The following DNM1 variants were observed in gnomAD, a reference collection of about 807,000 sequenced individuals.
The protein encoded by DNM1 is dynamin-1.
A neutral mutation model predicts 104.6 loss-of-function variants in DNM1; 29 were observed. The ratio of observed to expected loss-of-function variants is 0.28; its 90% CI spans 0.21 to 0.38. DNM1 has a LOEUF of 0.38. Ranked by LOEUF, DNM1 falls within the 10% of genes least tolerant of loss-of-function variation. The pLI is 1.00. For synonymous variants in DNM1, 445 were observed against 475.8 expected (o/e 0.94, Z 0.84); for missense variants, 640 against 1,189.4 (o/e 0.54, Z 6.79).
chr9:128,221,273 A>G (rs897041444), intron 6 of DNM1: 1 of 152,086 alleles, frequency 6.6e-6, no homozygotes, highest in Non-Finnish European at 1.5e-5. Flanking sequence ...TATTTTTAGT[A>G]GAGACGGGGT....
chr9:128,226,657 G>C (rs1471584611), intron 10 of DNM1, among the ~76,000 whole-genome samples: 1 of 152,192 alleles, frequency 6.6e-6, no homozygotes, highest in Non-Finnish European at 1.5e-5. Flanking sequence ...AGCTGTCCTA[G>C]TTCCTCAAAA....
chr9:128,253,510 C>G lies in DNM1; in HGVS notation c.2535-1144C>G. 1 of 293,574 alleles carries G rather than the reference C, an allele frequency of 3.4e-6. No homozygotes were observed. Among genetic ancestry groups the G allele is most frequent in the Non-Finnish European group, 6.4e-6 (1 of 155,566 alleles). 18.2% of individuals were successfully genotyped at this position (293,574 alleles called of 1,614,324 possible). The stretch of plus-strand genomic sequence containing the variant: ...TCGTGTGTGGGGCTGGACTCTGAGG[C>G]GGCCAGAGGCCTAGGAACGTTATCC... On this transcript the variant is annotated intron_variant, in intron 21 of 21. Transcript: ENST00000372923. This position sits in a 1 kb window ranked among gnomAD's most constrained non-coding sequence, Gnocchi z 5.9.
Position 128,247,623 on chromosome 9 carries a change from C to CCCAG in DNM1, c.1893+137_1893+138insCCAG. 1.3e-6 allele frequency: 1 copy of CCCAG among 768,988 alleles called. No individual in the cohort carries two copies. The highest frequency in any genetic ancestry group is 2.1e-6 in the Non-Finnish European group (1 of 469,096). 47.6% of individuals were successfully genotyped at this position (768,988 alleles called of 1,614,324 possible). A position where few individuals can be genotyped will look rare whatever the true frequency, so the allele number is the denominator to read the frequency against. On this transcript the variant is annotated intron_variant, in intron 17 of 21. Transcript: ENST00000372923. The surrounding 1 kb of genome is among the most constrained non-coding windows in gnomAD (Gnocchi z 5.1). ...AATAATAGGAATCCTCCCCCCTACCCACTCTGGGGGTGGGAACAGAGATAA... is the reference window on the plus strand; with the variant it reads ...AATAATAGGAATCCTCCCCCCTACCCCCAGACTCTGGGGGTGGGAACAGAGATAA...
chr9:128,249,772 G>A (rs1244352151), intron 19 of DNM1, among the ~76,000 whole-genome samples: 1 of 151,932 alleles, frequency 6.6e-6, no homozygotes, highest in African/African-American at 2.4e-5. Flanking sequence ...GCTACAGTGA[G>A]TGGTAATCTC....
chr9:128,252,970 G>C, intron 21 of DNM1: 1 of 827,602 alleles, frequency 1.2e-6, no homozygotes, highest in Non-Finnish European at 2.1e-6. Context: ...GTGTTAGCGT[G>C]TGCATGTGGG....
intron 1 of DNM1, among the ~76,000 whole-genome samples, chr9:128,214,597 TC>T (rs1834494998): frequency 6.6e-6 from 1 of 152,104 alleles, no homozygotes; most frequent in Non-Finnish European, 1.5e-5. Flanking sequence ...GGGTTCAGTT[TC>T]TCCAGACCCC....
At position 128,203,642 on chromosome 9, in the gene DNM1, C is replaced by G. The variant is rs1483670500; in HGVS notation, c.161+11C>G. 6 of 1,515,718 alleles carry G rather than the reference C, an allele frequency of 4.0e-6. No homozygotes were observed. The Admixed American group carries it at 1.3e-4, about 32-fold the overall frequency. The allele number at this position is 1,515,718 out of a possible 1,614,324, so 93.9% of individuals were successfully genotyped here. On this transcript the variant is annotated intron_variant, in intron 1 of 21. Coordinates refer to ENST00000372923, the MANE Select transcript of DNM1 (RefSeq NM_004408.4). This position sits in a 1 kb window ranked among gnomAD's most constrained non-coding sequence, Gnocchi z 5.3. ...GAATTTCGTAGGCAGGTAGGCGCGG[C>G]GCGCCCCCAGGCGCCGACCCCCGAC...
At chr9:128,232,691 A>G (rs556202058) in intron 10 of DNM1, 1 of 152,602 alleles carries the variant, frequency 6.6e-6, no homozygotes, top group Non-Finnish European at 1.5e-5. Context: ...GCTTTGCCCC[A>G]TCGTGCTGCC....
chr9:128,237,884 C>T (rs1340153343), intron 11 of DNM1, among the ~76,000 whole-genome samples: 3 of 152,062 alleles, frequency 2.0e-5, no homozygotes, highest in African/African-American at 7.2e-5. Flanking sequence ...AAGCGATCCT[C>T]CCATCTTAGC....
chr9:128,204,122 A>G (rs1194289985), intron 1 of DNM1: 1 of 152,684 alleles, frequency 6.5e-6, no homozygotes. Flanking sequence ...CCCAGTCCCT[A>G]GAAGAGGACG....
chr9:128,227,300 C>T (rs914582539), intron 10 of DNM1, among the ~76,000 whole-genome samples: 1 of 151,436 alleles, frequency 6.6e-6, no homozygotes, highest in African/African-American at 2.4e-5. Context: ...AAACATGAGC[C>T]ACCGCGCATT....
chr9:128,210,137 C>A (rs576815864), intron 1 of DNM1, among the ~76,000 whole-genome samples: 1 of 151,974 alleles, frequency 6.6e-6, no homozygotes, highest in Non-Finnish European at 1.5e-5. Flanking sequence ...CCTTGACCTC[C>A]CGGGCTCAAG....
intron 19 of DNM1, 120 bp from the exon 20 acceptor site, chr9:128,249,995 C>G: frequency 7.0e-7 from 1 of 1,438,304 alleles, no homozygotes; most frequent in Non-Finnish European, 9.6e-7. Context: ...CCAGTCTACG[C>G]AGTGTAGGAG....
At position 128,253,917 on chromosome 9, in the gene DNM1, G is replaced by A. The variant is rs940876536; in HGVS notation, c.2535-737G>A. On this transcript the variant is annotated intron_variant, in intron 21 of 21. Coordinates refer to ENST00000372923, the MANE Select transcript of DNM1 (RefSeq NM_004408.4). The surrounding 1 kb of genome is among the most constrained non-coding windows in gnomAD (Gnocchi z 5.9). ...ACTTGTGCCATTCAGCCAAGGGGAC[G>A]ACCGTGCCTGCTGGCCCAGCTGAGC... 21 of 1,227,134 alleles carry A rather than the reference G, an allele frequency of 1.7e-5. No individual in the cohort carries two copies. The highest frequency in any genetic ancestry group is 4.7e-5 in the African/African-American group (3 of 64,324). The allele number at this position is 1,227,134 out of a possible 1,614,324, so 76.0% of individuals were successfully genotyped here. A position where few individuals can be genotyped will look rare whatever the true frequency, so the allele number is the denominator to read the frequency against.
chr9:128,209,491 T>C (rs937258309), intron 1 of DNM1, among the ~76,000 whole-genome samples: 1 of 152,182 alleles, frequency 6.6e-6, no homozygotes, highest in Non-Finnish European at 1.5e-5. Flanking sequence ...CATATGTCTA[T>C]GTATTCCAGT....
At chr9:128,237,410 TG>T (rs1270582184) in intron 11 of DNM1, among the ~76,000 whole-genome samples, 2 of 151,772 alleles carry the variant, frequency 1.3e-5, no homozygotes, top group South Asian at 2.1e-4. Flanking sequence ...CACAGGTGCA[TG>T]CCACCATGCC....
In DNM1 at chr9:128,220,726, A is replaced by AGCGC. The variant is rs747195864; in HGVS notation, c.849+386_849+387insCGCG. ...TCTGGAATGGGGCATCCAGAACTGA[A>AGCGC]GTGCGCGCGCGCGCGCGTGTGTGTG... On this transcript the variant is annotated intron_variant, in intron 6 of 21. Coordinates refer to ENST00000372923, the MANE Select transcript of DNM1 (RefSeq NM_004408.4). This position sits in a 1 kb window ranked among gnomAD's most constrained non-coding sequence, Gnocchi z 5.2. Among the ~76,000 whole-genome samples the AGCGC allele has an allele frequency of 1.4e-3, 183 of 133,462 alleles. No individual in the cohort carries two copies. The East Asian group carries it at 0.021, about 15-fold the overall frequency. 87.6% of individuals were successfully genotyped at this position (133,462 alleles called of 152,430 possible).
chr9:128,207,843 C>T (rs974186676), intron 1 of DNM1, among the ~76,000 whole-genome samples: 2 of 152,036 alleles, frequency 1.3e-5, no homozygotes, highest in African/African-American at 2.4e-5. Flanking sequence ...TCTGGGATGG[C>T]GTGGGCTGGG....
chr9:128,254,208 C>G lies in DNM1; in HGVS notation c.2535-446C>G. ...CTCCAGCCATCCCTTTTAGTTTCAC[C>G]CTCCTGGTTCAAGCAGTGTTCTTTC... On this transcript the variant is annotated intron_variant, in intron 21 of 21. Transcript: ENST00000372923. This position sits in a 1 kb window ranked among gnomAD's most constrained non-coding sequence, Gnocchi z 6.1. 7.5e-7 allele frequency: 1 copy of G among 1,329,554 alleles called. No individual in the cohort carries two copies. The highest frequency in any genetic ancestry group is 9.5e-7 in the Non-Finnish European group (1 of 1,048,138). The allele number at this position is 1,329,554 out of a possible 1,614,324, so 82.4% of individuals were successfully genotyped here. A position where few individuals can be genotyped will look rare whatever the true frequency, so the allele number is the denominator to read the frequency against.
Sources: gnomAD v4.1 joint callset for allele counts (sites outside exome capture counted in the v4.1 genomes callset) on GRCh38, gnomAD v4.1.1 for gene constraint, Gnocchi (gnomAD v3.1) non-coding constraint, MANE v1.5 for transcripts, NCBI Gene and HGNC (gene_info 2026-07-23, HGNC 2026-07-21) for gene names.